Variants in LRP1B observed in about 807,000 individuals in gnomAD.
The protein encoded by LRP1B is low-density lipoprotein receptor-related protein 1B.
In LRP1B, 217 loss-of-function variants were observed where a neutral mutation model predicts 556.6. The observed-to-expected ratio is 0.39, with a 90% CI of 0.35 to 0.44. The LOEUF is 0.44. Ranked by LOEUF, LRP1B falls within the 20% of genes least tolerant of loss-of-function variation. The pLI, the probability that LRP1B is intolerant of heterozygous loss-of-function variation, is 1.00. For synonymous variants in LRP1B, 2,047 were observed against 1,865.8 expected (o/e 1.10, Z -2.50); for missense variants, 5,053 against 5,620.8 (o/e 0.90, Z 3.23).
chr2:140,647,582 T>A (rs1294904973), intron 41 of LRP1B, among the ~76,000 whole-genome samples: 2 of 152,220 alleles, frequency 1.3e-5, no homozygotes, highest in Non-Finnish European at 2.9e-5. Context: ...AGTCTAACCA[T>A]GCACTGGGCA....
intron 32 of LRP1B, among the ~76,000 whole-genome samples, chr2:140,788,545 T>C (rs567930680): frequency 1.3e-4 from 20 of 152,294 alleles, no homozygotes; most frequent in African/African-American, 4.6e-4. Context: ...AAAATGATAT[T>C]AGAGTAGGGG....
Position 140,769,344 on chromosome 2 carries a change from C to T in LRP1B, c.5627G>A (p.Gly1876Asp). Reference protein sequence around the residue: ...YLQKNRMSCQGIESFLMYSVH... With the variant: ...YLQKNRMSCQDIESFLMYSVH... ...AGAGTACATAAGAAATGATTCTATA[C>T]CTAAATGCAGGGCCGGAGATAAGGG... is the stretch of plus-strand genomic sequence containing the variant. Residue 1876 changes from glycine (G) to aspartate (D), a missense_variant and splice_region_variant, in exon 35 of 91, where the codon GGT (glycine) becomes GAT (aspartate). By Grantham distance (94) the Gly-to-Asp change is moderately conservative. Around this residue, in one of 5 missense-constraint regions of LRP1B, gnomAD observed 3,619 missense variants for 3,931.9 expected, o/e 0.92. Transcript: ENST00000389484. 6.2e-7 allele frequency: 1 copy of T among 1,600,928 alleles called. No individual in the cohort carries two copies. The highest frequency in any genetic ancestry group is 8.5e-7 in the Non-Finnish European group (1 of 1,174,186).
At chr2:140,680,650 G>A (rs1372668757) in intron 41 of LRP1B, among the ~76,000 whole-genome samples, 1 of 152,080 alleles carries the variant, frequency 6.6e-6, no homozygotes, top group South Asian at 2.1e-4. Flanking sequence ...GCATCATCAT[G>A]AGTGATGCAC....
chr2:140,297,827 G>C lies in LRP1B; in HGVS notation c.12948C>G (p.Thr4316=), dbSNP rs143745437. Residue 4316 remains threonine (T), a synonymous_variant, in exon 84 of 91, where the codon ACC becomes ACG. Coordinates refer to ENST00000389484, the MANE Select transcript of LRP1B (RefSeq NM_018557.3). Reference sequence around the variant, plus strand: ...ACTTACAGTACTGACATCTGTCTCCGGTGTATTCCGGCTGGCAGTGGCAGT... The same window carrying C: ...ACTTACAGTACTGACATCTGTCTCCCGTGTATTCCGGCTGGCAGTGGCAGT... ...QPYCHCQPEY[T]GDRCQYYVCH... The C allele has an allele frequency of 3.2e-5, 51 of 1,613,370 alleles. No individual in the cohort carries two copies. In the African/African-American group the frequency reaches 4.4e-4, roughly 14 times the overall value.
At chr2:140,638,720 TG>T (rs1157824349) in intron 41 of LRP1B, among the ~76,000 whole-genome samples, 2 of 152,018 alleles carry the variant, frequency 1.3e-5, no homozygotes, top group African/African-American at 4.8e-5. Flanking sequence ...CTACAAGGCA[TG>T]GGTAAATGAT....
chr2:141,196,245 C>T (rs529048999), intron 6 of LRP1B, among the ~76,000 whole-genome samples: 1 of 152,112 alleles, frequency 6.6e-6, no homozygotes, highest in East Asian at 1.9e-4. Context: ...CCACTCCACT[C>T]CTCTCCATTC....
chr2:141,272,193 G>C (rs547996836), intron 3 of LRP1B, among the ~76,000 whole-genome samples: 1 of 152,116 alleles, frequency 6.6e-6, no homozygotes, highest in East Asian at 1.9e-4. Context: ...TACAAGAAGA[G>C]AGAATAGAGT....
chr2:141,260,766 G>A (rs945282508), intron 3 of LRP1B, among the ~76,000 whole-genome samples: 6 of 152,140 alleles, frequency 3.9e-5, no homozygotes, highest in Admixed American at 3.9e-4. Flanking sequence ...TTATGTTTTG[G>A]AGAGTAAATT....
chr2:142,088,969 C>A (rs1453978763), intron 1 of LRP1B, among the ~76,000 whole-genome samples: 1 of 84,772 alleles, frequency 1.2e-5, no homozygotes, highest in African/African-American at 4.6e-5. Context: ...AGCAAGGCTC[C>A]GTCTCAAAAA....
intron 1 of LRP1B, among the ~76,000 whole-genome samples, chr2:141,937,351 C>T (rs1046674543): frequency 2.6e-5 from 4 of 151,728 alleles, no homozygotes; most frequent in African/African-American, 7.2e-5. Flanking sequence ...CGCCACTGCA[C>T]TCCAGCCTGG....
chr2:141,445,971 CTTG>C (rs1681175957), intron 3 of LRP1B, among the ~76,000 whole-genome samples: 1 of 152,132 alleles, frequency 6.6e-6, no homozygotes, highest in South Asian at 2.1e-4. Context: ...CCTGAATATA[CTTG>C]TTAATTTTCT....
chr2:141,721,209 C>T (rs1692798836), intron 2 of LRP1B, among the ~76,000 whole-genome samples: 2 of 152,092 alleles, frequency 1.3e-5, no homozygotes, highest in South Asian at 2.1e-4. Flanking sequence ...TATCATGTTC[C>T]TTTATTTAAT....
In LRP1B at chr2:140,986,931, C is replaced by A. The variant is rs147324714; in HGVS notation, c.2770+2601G>T. ...CACAATGCAAACAGCTACAGGATGG[C>A]GGATTCAATAACAAAGTAACTTCCC... On this transcript the variant is annotated intron_variant, in intron 17 of 90. Transcript: ENST00000389484. Among the ~76,000 whole-genome samples the A allele has an allele frequency of 3.5e-3, 532 of 152,214 alleles. 4 individuals are homozygous for A. Among genetic ancestry groups the A allele is most frequent in the African/African-American group, 0.012 (515 of 41,548 alleles).
At chr2:141,953,849 G>A (rs1427657372) in intron 1 of LRP1B, among the ~76,000 whole-genome samples, 1 of 152,076 alleles carries the variant, frequency 6.6e-6, no homozygotes, top group Non-Finnish European at 1.5e-5. Context: ...TGCATATTGA[G>A]TGCTTGTCAT....
intron 2 of LRP1B, among the ~76,000 whole-genome samples, chr2:141,527,851 G>A (rs1684741750): frequency 6.6e-6 from 1 of 151,942 alleles, no homozygotes; most frequent in Non-Finnish European, 1.5e-5. Flanking sequence ...GTATGTTGTT[G>A]AATAACAGTT....
chr2:140,700,477 T>A lies in LRP1B; in HGVS notation c.6572A>T (p.Tyr2191Phe), dbSNP rs2105421116. The change falls in exon 41 of 91, where the codon TAT (tyrosine) becomes TTT (phenylalanine). Residue 2191 changes from tyrosine to phenylalanine, a missense_variant. Physicochemically the swap from Tyr to Phe is conservative, Grantham distance 22. This residue lies in a region of LRP1B where 3,619 missense variants were observed against 3,931.9 expected (regional missense o/e 0.92). Coordinates refer to ENST00000389484, the MANE Select transcript of LRP1B (RefSeq NM_018557.3). ...ACTTTTTAATATTGTTCTTCCTGAA[T>A]ACAGTAAATAGCCTTCATGCCTCAG... ...TCLRHEGYLL[Y>F]SGRTILKSIH... The A allele has an allele frequency of 6.2e-7, 1 of 1,613,530 alleles. No individual in the cohort carries two copies. Among genetic ancestry groups the A allele is most frequent in the Non-Finnish European group, 8.5e-7 (1 of 1,179,662 alleles).
At chr2:141,339,734 C>T (rs183118013) in intron 3 of LRP1B, among the ~76,000 whole-genome samples, 90 of 151,168 alleles carry the variant, frequency 6.0e-4, no homozygotes, top group Non-Finnish European at 9.7e-4. Context: ...ATAATTTGGC[C>T]CAGAGAAGAG....
At chr2:141,939,999 T>C (rs898046752) in intron 1 of LRP1B, among the ~76,000 whole-genome samples, 4 of 67,350 alleles carry the variant, frequency 5.9e-5, no homozygotes, top group Admixed American at 1.6e-4. Context: ...TAAAAGTAAG[T>C]GATAAACATT....
At chr2:142,101,287 A>T (rs1706559664) in intron 1 of LRP1B, among the ~76,000 whole-genome samples, 2 of 152,002 alleles carry the variant, frequency 1.3e-5, no homozygotes, top group African/African-American at 4.8e-5. Context: ...ATAGTAAAAA[A>T]AGTTATTGCT....
Sources: allele counts gnomAD v4.1 joint callset (sites outside exome capture counted in the v4.1 genomes callset), GRCh38; gene constraint gnomAD v4.1.1; regional missense constraint gnomAD v4.1.1; transcripts MANE v1.5; gene names NCBI Gene and HGNC (gene_info 2026-07-23, HGNC 2026-07-21).